The following SLC30A5 variants were observed in gnomAD, a reference collection of about 807,000 sequenced individuals.
SLC30A5 encodes solute carrier family 30 member 5, also known as proton-coupled zinc antiporter SLC30A5.
In SLC30A5, 33 loss-of-function variants were observed where a neutral mutation model predicts 79.6. The observed-to-expected ratio is 0.41, with a 90% CI of 0.31 to 0.55. SLC30A5 has a LOEUF of 0.55. Ranked by LOEUF, SLC30A5 falls within the 20% of genes least tolerant of loss-of-function variation. The probability of loss-of-function intolerance (pLI) is 0.20; values close to 1 mark genes in which losing one functional copy is unlikely to be tolerated. For missense variants in SLC30A5, 788 were observed against 928.1 expected (o/e 0.85, Z 1.96); for synonymous variants, 299 against 319.7 (o/e 0.94, Z 0.69).
chr5:69,096,528 A>G (rs1336758423), intron 1 of SLC30A5, among the ~76,000 whole-genome samples: 1 of 152,228 alleles, frequency 6.6e-6, no homozygotes, highest in Non-Finnish European at 1.5e-5. Context: ...GATGGATTCC[A>G]GGTTGCAAGA....
rs202177928 is a variant in SLC30A5, at chr5:69,115,970, G to C, written c.828G>C (p.Thr276=). 1.9e-6 allele frequency: 3 copies of C among 1,613,598 alleles called. No homozygotes were observed. The highest frequency in any genetic ancestry group is 3.3e-5 in the Admixed American group (2 of 59,944). The part of the protein sequence containing the change: ...SWFSLIMPFA[T]VIFFVMILDF... ...TTTCTCTCATTATGCCTTTTGCAAC[G>C]GTTATCTTTTTTGTCATGATCCTGG... The change falls in exon 9 of 16, where the codon ACG becomes ACC. Residue 276 remains threonine (T), a synonymous_variant. Coordinates refer to ENST00000396591, the MANE Select transcript of SLC30A5 (RefSeq NM_022902.5).
At chr5:69,128,191 C>A (rs1746754593) in intron 15 of SLC30A5, 59 bp downstream of exon 15, 19 of 1,370,340 alleles carry the variant, frequency 1.4e-5, no homozygotes, top group Non-Finnish European at 1.8e-5. Flanking sequence ...AAATTGTACA[C>A]CTCATAAGTT....
chr5:69,117,274 G>A lies in SLC30A5; in HGVS notation c.1317G>A (p.Leu439=). ...TTGTGGAATTATTCTATGGCGTGCT[G>A]ACCAATAGTCTGGGCCTGATCTCGG... The part of the protein sequence containing the change: ...FTFVELFYGV[L]TNSLGLISDG... Residue 439 remains leucine (L), a synonymous_variant, in exon 11 of 16, where the codon CTG becomes CTA. Coordinates refer to ENST00000396591, the MANE Select transcript of SLC30A5 (RefSeq NM_022902.5). 1 of 1,613,410 alleles carries A rather than the reference G, an allele frequency of 6.2e-7. No individual in the cohort carries two copies. Among genetic ancestry groups the A allele is most frequent in the Non-Finnish European group, 8.5e-7 (1 of 1,179,786 alleles).
chr5:69,108,821 CAAAA>C (rs5868569), intron 5 of SLC30A5, among the ~76,000 whole-genome samples: 2 of 99,084 alleles, frequency 2.0e-5, no homozygotes, highest in Admixed American at 1.1e-4. Flanking sequence ...GACTCAGCCT[CAAAA>C]AAAAAAAAAA....
chr5:69,094,455 C>G, intron 1 of SLC30A5, 117 bp downstream of exon 1: 1 of 1,101,818 alleles, frequency 9.1e-7, no homozygotes, highest in Non-Finnish European at 1.2e-6. Flanking sequence ...GCGCCCTCTC[C>G]CCCTGCCTGC....
Position 69,129,449 on chromosome 5 carries a change from T to A in SLC30A5, c.2130T>A (p.Val710=). The A allele has an allele frequency of 6.2e-7, 1 of 1,609,942 alleles. No homozygotes were observed. The highest frequency in any genetic ancestry group is 2.2e-5 in the East Asian group (1 of 44,748). The change falls in exon 16 of 16, where the codon GTT becomes GTA. Residue 710 remains valine (V), a splice_region_variant and synonymous_variant. Coordinates refer to ENST00000396591, the MANE Select transcript of SLC30A5 (RefSeq NM_022902.5). Reference sequence around the variant, plus strand: ...AAATATCTGGATTTTTATAACAGGTTACAGGAATACTTAAAGATGCTGGAG... The same window carrying A: ...AAATATCTGGATTTTTATAACAGGTAACAGGAATACTTAAAGATGCTGGAG... ...DVLEQRIVQQ[V]TGILKDAGVN... is the part of the protein sequence containing the mutation.
intron 5 of SLC30A5, 95 bp from the exon 6 acceptor site, chr5:69,113,045 T>G (rs1454824057): frequency 3.1e-6 from 3 of 982,518 alleles, no homozygotes; most frequent in Non-Finnish European, 4.6e-6. Flanking sequence ...AAATGCTTAC[T>G]TGAGAAAATG....
intron 14 of SLC30A5, among the ~76,000 whole-genome samples, chr5:69,126,087 T>A (rs966026424): frequency 2.0e-5 from 3 of 151,834 alleles, no homozygotes; most frequent in African/African-American, 7.3e-5. Context: ...GATGAGAATA[T>A]AAACCAGCAA....
chr5:69,109,139 A>T (rs1283745054), intron 5 of SLC30A5, among the ~76,000 whole-genome samples: 1 of 152,186 alleles, frequency 6.6e-6, no homozygotes, highest in Non-Finnish European at 1.5e-5. Context: ...ATATCACAAT[A>T]GGGTGACTAT....
chr5:69,101,998 G>T (rs1745936299), intron 2 of SLC30A5, among the ~76,000 whole-genome samples: 1 of 148,404 alleles, frequency 6.7e-6, no homozygotes, highest in Non-Finnish European at 1.5e-5. Flanking sequence ...TATAATTTTG[G>T]TAAGTTGGGA....
At chr5:69,119,060 CAA>C (rs1273447171) in intron 12 of SLC30A5, among the ~76,000 whole-genome samples, 5 of 152,030 alleles carry the variant, frequency 3.3e-5, no homozygotes, top group African/African-American at 1.2e-4. Flanking sequence ...CTTGGCATCC[CAA>C]AGTGCTGGGA....
chr5:69,097,484 C>G (rs1745780430), intron 1 of SLC30A5, among the ~76,000 whole-genome samples: 1 of 151,884 alleles, frequency 6.6e-6, no homozygotes, highest in African/African-American at 2.4e-5. Flanking sequence ...TCTTTTCTTT[C>G]TGACAAGTTC....
At chr5:69,109,311 A>ATACATATACC (rs1746168118) in intron 5 of SLC30A5, among the ~76,000 whole-genome samples, 1 of 152,122 alleles carries the variant, frequency 6.6e-6, no homozygotes, top group Non-Finnish European at 1.5e-5. Context: ...TACCCCATAA[A>ATACATATACC]TACATATACC....
intron 3 of SLC30A5, chr5:69,103,925 G>A (rs768957364): frequency 6.9e-7 from 1 of 1,441,754 alleles, no homozygotes; most frequent in Non-Finnish European, 9.4e-7. Flanking sequence ...ATGATTAATA[G>A]TCTAAACCCC....
intron 12 of SLC30A5, 90 bp from the exon 13 acceptor site, chr5:69,121,604 G>A: frequency 1.1e-6 from 1 of 917,232 alleles, no homozygotes; most frequent in Non-Finnish European, 1.6e-6. Flanking sequence ...ACTGTAAACA[G>A]AAAAACATAT....
intron 1 of SLC30A5, among the ~76,000 whole-genome samples, chr5:69,100,182 G>A (rs934527048): frequency 6.6e-6 from 1 of 152,126 alleles, no homozygotes; most frequent in African/African-American, 2.4e-5. Context: ...TGGCCAGGCT[G>A]GTCTTGAGTT....
chr5:69,100,655 A>G (rs1456683848), intron 1 of SLC30A5, 152 bp from the exon 2 acceptor site: 1 of 504,424 alleles, frequency 2.0e-6, no homozygotes, highest in Non-Finnish European at 3.5e-6. Flanking sequence ...TATCACGTGG[A>G]TGGTGAGTTG....
intron 1 of SLC30A5, among the ~76,000 whole-genome samples, chr5:69,098,923 G>T: frequency 6.6e-6 from 1 of 152,082 alleles, no homozygotes; most frequent in East Asian, 1.9e-4. Context: ...GTGAATTTAG[G>T]CATAAAAATA....
At position 69,128,460 on chromosome 5, in the gene SLC30A5, G is replaced by A. The variant is rs142460708; in HGVS notation, c.2127+328G>A. 3.3e-4 allele frequency among the ~76,000 whole-genome samples: 50 copies of A among 151,726 alleles called. No individual in the cohort carries two copies. In the East Asian group the frequency reaches 8.4e-3, roughly 25 times the overall value. ...GTATTTTTAGTAGAGATGGGGTTTC[G>A]CCATGTTGGCCAGTCTAGTCTCAAA... On this transcript the variant is annotated intron_variant, in intron 15 of 15. Transcript: ENST00000396591.
Sources: allele counts gnomAD v4.1 joint callset (sites outside exome capture counted in the v4.1 genomes callset), GRCh38; gene constraint gnomAD v4.1.1; transcripts MANE v1.5; gene names NCBI Gene and HGNC (gene_info 2026-07-23, HGNC 2026-07-21).